Variants in TUBB6 observed in about 807,000 individuals in gnomAD.
The protein encoded by TUBB6 is tubulin beta 6 class V.
TUBB6 carries 18 observed loss-of-function variants against 32.3 expected under a neutral mutation model. The observed-to-expected ratio is 0.56, with a 90% CI of 0.39 to 0.83. The LOEUF (loss-of-function observed/expected upper bound fraction) is 0.83. TUBB6 is among the 40% of genes least tolerant of loss of function. The probability of loss-of-function intolerance (pLI) is 0.00; values close to 1 mark genes in which losing one functional copy is unlikely to be tolerated. For synonymous variants in TUBB6, 280 were observed against 265.8 expected, an observed-to-expected ratio of 1.05 and a Z score of -0.52; for missense variants, 480 against 632.0, an observed-to-expected ratio of 0.76 and a Z score of 2.58.
intron 3 of TUBB6, among the ~76,000 whole-genome samples, chr18:12,316,114 C>A (rs2144142754): frequency 6.6e-6 from 1 of 152,336 alleles, no homozygotes; most frequent in Middle Eastern, 3.4e-3. Context: ...GAGGCCTCAC[C>A]CACCAGCAGT....
At chr18:12,309,996 T>C (rs956381728) in intron 2 of TUBB6, among the ~76,000 whole-genome samples, 2 of 152,102 alleles carry the variant, frequency 1.3e-5, no homozygotes, top group African/African-American at 4.8e-5. Context: ...ACCTAGTTTA[T>C]TTCCATGGAG....
intron 3 of TUBB6, among the ~76,000 whole-genome samples, chr18:12,322,127 C>A (rs1363699022): frequency 1.3e-5 from 2 of 150,892 alleles, no homozygotes; most frequent in Non-Finnish European, 2.9e-5. Context: ...GTGGTGAAAC[C>A]CTCTCTCTAC....
At chr18:12,309,746 A>T (rs1405937233) in intron 2 of TUBB6, among the ~76,000 whole-genome samples, 1 of 152,202 alleles carries the variant, frequency 6.6e-6, no homozygotes, top group African/African-American at 2.4e-5. Context: ...GTTGAAGAGC[A>T]GGTCCTATCT....
downstream of TUBB6, chr18:12,329,145 G>A (rs936844940): frequency 5.7e-6 from 4 of 702,958 alleles, no homozygotes; most frequent in Non-Finnish European, 7.8e-6. Context: ...TAATTTCACA[G>A]CCCATCTGCA....
In TUBB6 at chr18:12,312,705, T is replaced by C. The variant is rs1039587524; in HGVS notation, c.277+1652T>C. On this transcript the variant is annotated intron_variant, in intron 3 of 3. Coordinates refer to ENST00000317702, the MANE Select transcript of TUBB6 (RefSeq NM_032525.3). ...GCAGGAAACAATTTTTTAAAAAAGATTAAAGTTTTGGAAGCCAGGAGCAGT... is the reference window on the plus strand; with the variant it reads ...GCAGGAAACAATTTTTTAAAAAAGACTAAAGTTTTGGAAGCCAGGAGCAGT... Among the ~76,000 whole-genome samples the C allele has an allele frequency of 6.6e-5, 10 of 152,240 alleles. No individual in the cohort carries two copies. In the South Asian group the frequency reaches 1.0e-3, roughly 16 times the overall value.
At chr18:12,308,883 GA>G in intron 2 of TUBB6, 88 bp downstream of exon 2, 1 of 883,174 alleles carries the variant, frequency 1.1e-6, no homozygotes, top group Non-Finnish European at 1.9e-6. Flanking sequence ...TTTGCTTCGG[GA>G]AAAGTTCTCT....
chr18:12,326,086 G>A lies in TUBB6; in HGVS notation c.1297G>A (p.Gly433Arg), dbSNP rs775891292. 2 of 1,614,094 alleles carry A rather than the reference G, an allele frequency of 1.2e-6. No homozygotes were observed. The highest frequency in any genetic ancestry group is 2.2e-5 in the East Asian group (1 of 44,882). Residue 433 changes from glycine (G) to arginine (R), a missense_variant, in exon 4 of 4, where the codon GGG becomes AGG. Transcript: ENST00000317702. The part of the protein sequence containing the change: ...QQYQDATAND[G>R]EEAFEDEEEE... ...GTACCAGGATGCCACCGCCAATGAC[G>A]GGGAGGAAGCTTTTGAGGATGAGGA... is the stretch of plus-strand genomic sequence containing the variant.
intron 3 of TUBB6, among the ~76,000 whole-genome samples, chr18:12,318,981 GT>G (rs1402218369): frequency 3.9e-5 from 6 of 152,114 alleles, no homozygotes; most frequent in African/African-American, 1.4e-4. Context: ...CTTGTACATG[GT>G]TTTTTCAAAC....
chr18:12,322,820 A>C (rs1907059171), intron 3 of TUBB6, among the ~76,000 whole-genome samples: 1 of 152,254 alleles, frequency 6.6e-6, no homozygotes, highest in South Asian at 2.1e-4. Context: ...ATAGGTAGAT[A>C]GATAACATTT....
chr18:12,328,386 T>C (rs1012421662), downstream of TUBB6, among the ~76,000 whole-genome samples: 34 of 152,376 alleles, frequency 2.2e-4, no homozygotes, highest in African/African-American at 7.5e-4. Context: ...ATAGAAGACA[T>C]AGCAAATCTT....
downstream of TUBB6, chr18:12,329,485 A>G (rs768170584): frequency 6.9e-6 from 10 of 1,440,386 alleles, no homozygotes; most frequent in South Asian, 3.4e-5. Flanking sequence ...CAGCATTCCC[A>G]TTCTTCTGAA....
chr18:12,317,486 A>T (rs1034168247), intron 3 of TUBB6, among the ~76,000 whole-genome samples: 3 of 143,122 alleles, frequency 2.1e-5, no homozygotes, highest in African/African-American at 7.6e-5. Context: ...GAAAAGAAAA[A>T]CTTCTGTAAT....
intron 3 of TUBB6, among the ~76,000 whole-genome samples, chr18:12,312,869 C>T (rs894174297): frequency 7.2e-5 from 11 of 152,034 alleles, no homozygotes; most frequent in African/African-American, 2.7e-4. Context: ...TGTGGTGGCA[C>T]ATGCCTGTAA....
intron 3 of TUBB6, among the ~76,000 whole-genome samples, chr18:12,314,170 C>G (rs1568120774): frequency 6.6e-6 from 1 of 152,112 alleles, no homozygotes; most frequent in African/African-American, 2.4e-5. Context: ...GACCCTAGCT[C>G]TGTGCCCGCT....
In TUBB6 at chr18:12,325,077, T is replaced by C. The variant is rs1191104179; in HGVS notation, c.288T>C (p.Gly96=). The change falls in exon 4 of 4, where the codon GGT becomes GGC. Residue 96 remains glycine, a synonymous_variant. Transcript: ENST00000317702. ...CTCTCTTTGTTGCAGGCCAGACGGG[T>C]GCAGGGAACAACTGGGCGAAAGGGC... The part of the protein sequence containing the change: ...RPDNFIFGQT[G]AGNNWAKGHY... 1.9e-6 allele frequency: 3 copies of C among 1,571,390 alleles called. No homozygotes were observed. Among genetic ancestry groups the C allele is most frequent in the Admixed American group, 1.7e-5 (1 of 57,768 alleles).
intron 1 of TUBB6, 103 bp downstream of exon 1, chr18:12,308,452 T>A: frequency 9.8e-7 from 1 of 1,017,464 alleles, no homozygotes. Context: ...TGTGCGCCCC[T>A]GGGTCCTCGG....
At chr18:12,324,745 C>T in intron 3 of TUBB6, 1 of 1,259,310 alleles carries the variant, frequency 7.9e-7, no homozygotes, top group Non-Finnish European at 1.0e-6. Flanking sequence ...GCCACGGCGC[C>T]CGGCCAGTAA....
chr18:12,324,752 G>C, intron 3 of TUBB6: 1 of 1,261,920 alleles, frequency 7.9e-7, no homozygotes, highest in East Asian at 2.9e-5. Flanking sequence ...CGCCCGGCCA[G>C]TAACTTATTT....
chr18:12,308,529 C>T, intron 1 of TUBB6, 158 bp from the exon 2 acceptor site: 1 of 722,520 alleles, frequency 1.4e-6, no homozygotes, highest in Non-Finnish European at 2.2e-6. Flanking sequence ...CGGGGACCTT[C>T]TACTCTTCGC....
Sources: gnomAD v4.1 joint callset for allele counts (sites outside exome capture counted in the v4.1 genomes callset) on GRCh38, gnomAD v4.1.1 for gene constraint, MANE v1.5 for transcripts, NCBI Gene and HGNC (gene_info 2026-07-23, HGNC 2026-07-21) for gene names.